Variants in RALGAPA1 observed in about 807,000 individuals in gnomAD.
RALGAPA1 encodes the protein ral GTPase-activating protein subunit alpha-1.
RALGAPA1 carries 52 observed loss-of-function variants against 269.6 expected under a neutral mutation model. The ratio of observed to expected loss-of-function variants is 0.19; its 90% CI spans 0.15 to 0.24. The LOEUF is 0.24. RALGAPA1 is among the 10% of genes least tolerant of loss of function. The probability of loss-of-function intolerance (pLI) is 1.00; values close to 1 mark genes in which losing one functional copy is unlikely to be tolerated. For missense variants in RALGAPA1, 1,917 were observed against 3,013.9 expected (o/e 0.64, Z 8.52); for synonymous variants, 817 against 1,008.3 (o/e 0.81, Z 3.60).
At chr14:35,798,850 G>A (rs2076759935) in intron 1 of RALGAPA1, among the ~76,000 whole-genome samples, 1 of 152,222 alleles carries the variant, frequency 6.6e-6, no homozygotes, top group South Asian at 2.1e-4. Flanking sequence ...AAAGAAATTA[G>A]CCAGGCGTAG....
chr14:35,767,809 T>C (rs745501104), intron 4 of RALGAPA1, among the ~76,000 whole-genome samples: 17 of 152,184 alleles, frequency 1.1e-4, no homozygotes, highest in Non-Finnish European at 1.8e-4. Context: ...GTATCATTTT[T>C]TTACTCAGGC....
intron 10 of RALGAPA1, among the ~76,000 whole-genome samples, chr14:35,746,304 G>A (rs1411364352): frequency 6.6e-6 from 1 of 152,176 alleles, no homozygotes; most frequent in East Asian, 1.9e-4. Flanking sequence ...GTTCAGTTAT[G>A]TGGGATGAAC....
chr14:35,733,803 A>T (rs2070726673), intron 12 of RALGAPA1, among the ~76,000 whole-genome samples: 1 of 152,074 alleles, frequency 6.6e-6, no homozygotes, highest in South Asian at 2.1e-4. Context: ...AAAGATAAAT[A>T]AAATTGATAG....
intron 37 of RALGAPA1, among the ~76,000 whole-genome samples, chr14:35,579,440 C>T (rs995776327): frequency 6.6e-6 from 1 of 151,892 alleles, no homozygotes; most frequent in Non-Finnish European, 1.5e-5. Flanking sequence ...ACCATCCTGG[C>T]AAACATGGTG....
At chr14:35,579,470 A>G (rs746099790) in intron 37 of RALGAPA1, among the ~76,000 whole-genome samples, 8 of 151,798 alleles carry the variant, frequency 5.3e-5, no homozygotes, top group Non-Finnish European at 8.8e-5. Context: ...CTCTACTAAA[A>G]GGTGGTGCAC....
intron 1 of RALGAPA1, among the ~76,000 whole-genome samples, chr14:35,802,945 C>T (rs1379955043): frequency 6.6e-6 from 1 of 152,040 alleles, no homozygotes; most frequent in Non-Finnish European, 1.5e-5. Flanking sequence ...ACCTGAGCCT[C>T]CCAAAGTGCT....
chr14:35,654,650 A>G (rs1356810160), intron 29 of RALGAPA1, among the ~76,000 whole-genome samples, 173 bp from the exon 30 acceptor site: 1 of 152,218 alleles, frequency 6.6e-6, no homozygotes, highest in Admixed American at 6.5e-5. Flanking sequence ...CACATTCCAA[A>G]GACACATACA....
chr14:35,736,842 C>T (rs909221818), intron 12 of RALGAPA1, among the ~76,000 whole-genome samples: 2 of 152,038 alleles, frequency 1.3e-5, no homozygotes, highest in Non-Finnish European at 1.5e-5. Flanking sequence ...TTAAGACCAG[C>T]CTGGCCAACA....
intron 31 of RALGAPA1, among the ~76,000 whole-genome samples, chr14:35,645,055 A>G (rs1007878335): frequency 6.6e-6 from 1 of 152,188 alleles, no homozygotes; most frequent in Non-Finnish European, 1.5e-5. Flanking sequence ...TATTCCTCAC[A>G]GTTCTGAAAG....
intron 26 of RALGAPA1, among the ~76,000 whole-genome samples, chr14:35,669,477 C>A (rs574495449): frequency 1.2e-4 from 18 of 152,296 alleles, no homozygotes; most frequent in Non-Finnish European, 2.2e-4. Context: ...TAGTCTTGAA[C>A]TCCTGACCTC....
At chr14:35,654,731 T>C (rs1413085288) in intron 29 of RALGAPA1, among the ~76,000 whole-genome samples, 1 of 152,230 alleles carries the variant, frequency 6.6e-6, no homozygotes, top group African/African-American at 2.4e-5. Flanking sequence ...TATGTGGATT[T>C]ATGCAGTGGC....
In RALGAPA1 at chr14:35,691,003, AGGCTGC is replaced by A. The variant is rs534746548; in HGVS notation, c.2408-1006_2408-1001del. Among the ~76,000 whole-genome samples the A allele has an allele frequency of 7.8e-4, 118 of 152,088 alleles. No homozygotes were observed. The South Asian group carries it at 0.012, about 15-fold the overall frequency. On this transcript the variant is annotated intron_variant, in intron 17 of 41. Transcript: ENST00000680220. Reference sequence around the variant, plus strand: ...AGAACTGCTTGAACCCATGAGGCAGAGGCTGCGGTGAGCCGAAATAATGCCACTGCA... The same window carrying A: ...AGAACTGCTTGAACCCATGAGGCAGAGGTGAGCCGAAATAATGCCACTGCA...
At chr14:35,561,581 C>A (rs2056260753) in intron 39 of RALGAPA1, among the ~76,000 whole-genome samples, 1 of 126,454 alleles carries the variant, frequency 7.9e-6, no homozygotes, top group African/African-American at 3.0e-5. Flanking sequence ...GTGGTGCAAT[C>A]TGGGCTCACT....
At chr14:35,802,692 T>TA (rs35689975) in intron 1 of RALGAPA1, among the ~76,000 whole-genome samples, 12 of 143,712 alleles carry the variant, frequency 8.4e-5, no homozygotes, top group East Asian at 2.0e-4. Flanking sequence ...AACTGACCTT[T>TA]AAAAAAAAAA....
chr14:35,541,790 T>C (rs1327495467), intron 41 of RALGAPA1: 3 of 457,082 alleles, frequency 6.6e-6, no homozygotes, highest in African/African-American at 6.0e-5. Flanking sequence ...AAGAGAACTA[T>C]CACTGCATTT....
At chr14:35,572,517 G>C in intron 38 of RALGAPA1, 43 bp downstream of exon 38, 4 of 1,515,918 alleles carry the variant, frequency 2.6e-6, no homozygotes, top group Non-Finnish European at 3.5e-6. Context: ...AACCCCTATA[G>C]AACCAAAATC....
chr14:35,654,587 C>A, intron 29 of RALGAPA1, 110 bp from the exon 30 acceptor site: 2 of 1,238,728 alleles, frequency 1.6e-6, no homozygotes, highest in Non-Finnish European at 1.1e-6. Flanking sequence ...ATAAATCCTA[C>A]ATTTATAGGT....
At chr14:35,594,334 A>G (rs116459157) in intron 37 of RALGAPA1, among the ~76,000 whole-genome samples, 1 of 152,130 alleles carries the variant, frequency 6.6e-6, no homozygotes, top group Non-Finnish European at 1.5e-5. Flanking sequence ...ACGAAAAGGC[A>G]CCCTACAGAG....
intron 18 of RALGAPA1, among the ~76,000 whole-genome samples, chr14:35,687,427 T>G (rs2066045944): frequency 6.6e-6 from 1 of 152,080 alleles, no homozygotes. Context: ...TATTTCAGAT[T>G]AAAAAAACAC....
Sources: allele counts gnomAD v4.1 joint callset (sites outside exome capture counted in the v4.1 genomes callset), GRCh38; gene constraint gnomAD v4.1.1; transcripts MANE v1.5; gene names NCBI Gene and HGNC (gene_info 2026-07-23, HGNC 2026-07-21).